PNPLA7: variants seen among roughly 807,000 people sequenced by gnomAD.
PNPLA7 encodes the protein patatin like domain 7, lysophospholipase, also known as patatin-like phospholipase domain-containing protein 7.
Under a neutral mutation model 161.7 loss-of-function variants are expected in PNPLA7, and 153 were observed. The ratio of observed to expected loss-of-function variants is 0.95; its 90% CI spans 0.83 to 1.08. The LOEUF is 1.08. Ranked by LOEUF, PNPLA7 falls within the 50% of genes least tolerant of loss-of-function variation. The pLI, the probability that PNPLA7 is intolerant of heterozygous loss-of-function variation, is 0.00. For missense variants in PNPLA7, 1,739 were observed against 1,856.6 expected (o/e 0.94, Z 1.16); for synonymous variants, 809 against 782.1 (o/e 1.03, Z -0.57).
In PNPLA7 at chr9:137,520,186, G is replaced by T; in HGVS notation, c.958-143C>A. Reference sequence around the variant, plus strand: ...CCCCTCAAAGGTGTGACAGGTGTGGGACTCTCAAAGGTGTGACAGGTGTGG... The same window carrying T: ...CCCCTCAAAGGTGTGACAGGTGTGGTACTCTCAAAGGTGTGACAGGTGTGG... On this transcript the variant is annotated intron_variant, in intron 10 of 34. Transcript: ENST00000406427. The surrounding 1 kb of genome is among the most constrained non-coding windows in gnomAD (Gnocchi z 5.2). The T allele has an allele frequency of 8.0e-7, 1 of 1,244,716 alleles. No individual in the cohort carries two copies. The highest frequency in any genetic ancestry group is 1.1e-6 in the Non-Finnish European group (1 of 898,806). The allele number at this position is 1,244,716 out of a possible 1,614,324, so 77.1% of individuals were successfully genotyped here. A position where few individuals can be genotyped will look rare whatever the true frequency, so the allele number is the denominator to read the frequency against.
chr9:137,498,530 C>T (rs1017759609), intron 16 of PNPLA7, among the ~76,000 whole-genome samples: 6 of 152,254 alleles, frequency 3.9e-5, no homozygotes, highest in South Asian at 2.1e-4. Flanking sequence ...TGTCAGGCTG[C>T]GGTCCTGGCA....
Position 137,501,647 on chromosome 9 carries a change from C to T in PNPLA7, c.1551+3G>A, listed in dbSNP as rs1206316926. ...CAGTGCCCCCCCCCAGACCCCCGCT[C>T]ACCTGGTCTCCCTGCCTTGACACCA... On this transcript the variant is annotated splice_donor_region_variant and intron_variant, in intron 15 of 34. Transcript: ENST00000406427. 1 of 1,611,866 alleles carries T rather than the reference C, an allele frequency of 6.2e-7. No individual in the cohort carries two copies. The highest frequency in any genetic ancestry group is 1.7e-5 in the Admixed American group (1 of 59,880).
rs1157330392 is a variant in PNPLA7 at position 137,517,901 on chromosome 9, T to C, written c.1084+2016A>G. On this transcript the variant is annotated intron_variant, in intron 11 of 34. Transcript: ENST00000406427. ...TCCCACACTCACTCACTCCACTCTGTCCACTCCATCCCCCGTCACTCACTC... is the reference window on the plus strand; with the variant it reads ...TCCCACACTCACTCACTCCACTCTGCCCACTCCATCCCCCGTCACTCACTC... Among the ~76,000 whole-genome samples, 7 of 48,538 alleles carry C rather than the reference T, an allele frequency of 1.4e-4. 1 individual carries two copies. Among genetic ancestry groups the C allele is most frequent in the African/African-American group, 1.0e-3 (7 of 6,928 alleles). The allele number at this position is 48,538 out of a possible 152,430, so 31.8% of individuals were successfully genotyped here. A position where few individuals can be genotyped will look rare whatever the true frequency, so the allele number is the denominator to read the frequency against.
At chr9:137,513,887 G>T (rs913835480) in intron 12 of PNPLA7, among the ~76,000 whole-genome samples, 1 of 152,250 alleles carries the variant, frequency 6.6e-6, no homozygotes, top group Non-Finnish European at 1.5e-5. Context: ...CAATCTGAGA[G>T]GGACGCCCAG....
Position 137,480,329 on chromosome 9 carries a change from C to T in PNPLA7, c.2563G>A (p.Glu855Lys), listed in dbSNP as rs1261861152. Reference protein sequence around the residue: ...CILIVGLGDQEPTVGELERML... With the variant: ...CILIVGLGDQKPTVGELERML... Reference sequence around the variant, plus strand: ...GTGCTCACCTCGCCCACTGTGGGCTCCTGGTCACCCAGGCCCACGATGAGG... The same window carrying T: ...GTGCTCACCTCGCCCACTGTGGGCTTCTGGTCACCCAGGCCCACGATGAGG... Residue 855 changes from glutamate to lysine, a missense_variant, in exon 23 of 35, where the codon GAG becomes AAG. This residue lies in a region of PNPLA7 where 192 missense variants were observed against 249.5 expected (regional missense o/e 0.77). Transcript: ENST00000406427. 1 of 1,612,548 alleles carries T rather than the reference C, an allele frequency of 6.2e-7. No homozygotes were observed. Among genetic ancestry groups the T allele is most frequent in the East Asian group, 2.2e-5 (1 of 44,858 alleles).
intron 20 of PNPLA7, among the ~76,000 whole-genome samples, chr9:137,489,041 G>A (rs570300268): frequency 9.3e-5 from 5 of 53,488 alleles, no homozygotes; most frequent in African/African-American, 3.1e-4. Context: ...CTGTGCACCC[G>A]CTGACCAGCA....
Position 137,543,360 on chromosome 9 carries a change from G to T in PNPLA7, c.506+72C>A. The T allele has an allele frequency of 6.3e-7, 1 of 1,588,114 alleles. No homozygotes were observed. Among genetic ancestry groups the T allele is most frequent in the Non-Finnish European group, 8.6e-7 (1 of 1,161,200 alleles). Reference sequence around the variant, plus strand: ...CCCCCAACACAAGACGGCCAAGCTGGAGCCAGGCCCCAGCGAGAAGCCCGG... The same window carrying T: ...CCCCCAACACAAGACGGCCAAGCTGTAGCCAGGCCCCAGCGAGAAGCCCGG... On this transcript the variant is annotated intron_variant, in intron 6 of 34. Transcript: ENST00000406427. This position sits in a 1 kb window ranked among gnomAD's most constrained non-coding sequence, Gnocchi z 6.9.
chr9:137,477,841 C>T (rs1271461035), intron 25 of PNPLA7, among the ~76,000 whole-genome samples, 193 bp downstream of exon 25: 1 of 152,242 alleles, frequency 6.6e-6, no homozygotes, highest in Non-Finnish European at 1.5e-5. Context: ...AGTGGGCACA[C>T]CGCATGTGCC....
Position 137,462,227 on chromosome 9 carries a change from G to A in PNPLA7, c.3597C>T (p.Pro1199=), listed in dbSNP as rs775361082. The change falls in exon 31 of 35, where the codon CCC becomes CCT. Residue 1199 remains proline (P), a synonymous_variant. Transcript: ENST00000406427. ...AGTCCAGGGTGCTGTAGCTGTCGAT[G>A]GGGGGGCGCAGGTACTCGCAGTAGT... ...SSDYCEYLRP[P]IDSYSTLDFG... 4.4e-6 allele frequency: 7 copies of A among 1,604,800 alleles called. No individual in the cohort carries two copies. Among genetic ancestry groups the A allele is most frequent in the Middle Eastern group, 1.7e-4 (1 of 6,012 alleles).
At chr9:137,521,003 C>T (rs1396535588) in intron 10 of PNPLA7, among the ~76,000 whole-genome samples, 6 of 144,274 alleles carry the variant, frequency 4.2e-5, no homozygotes, top group Admixed American at 1.4e-4. Flanking sequence ...CTGCTGGATT[C>T]GGCTGTAGGG....
intron 21 of PNPLA7, among the ~76,000 whole-genome samples, chr9:137,481,781 CA>C (rs972152508): frequency 6.6e-5 from 10 of 152,134 alleles, no homozygotes; most frequent in Non-Finnish European, 7.4e-5. Context: ...ACTAAAAATA[CA>C]AAACTTAGCT....
Position 137,543,520 on chromosome 9 carries a change from G to A in PNPLA7, c.418C>T (p.Pro140Ser), listed in dbSNP as rs771581299. The A allele has an allele frequency of 2.5e-6, 4 of 1,614,034 alleles. No individual in the cohort carries two copies. Among genetic ancestry groups the A allele is most frequent in the Non-Finnish European group, 2.5e-6 (3 of 1,179,984 alleles). Residue 140 changes from proline (P) to serine (S), a missense_variant, in exon 6 of 35, where the codon CCC (proline) becomes TCC (serine). Transcript: ENST00000406427. The surrounding 1 kb of genome is among the most constrained non-coding windows in gnomAD (Gnocchi z 6.9). ...YPALQPKEPP[P>S]SLLEADLTEF... ...GTGAGGTCGGCCTCCAGCAGGGAGG[G>A]CGGGGGCTCCTTGGGCTGCAGGGCC... is the stretch of plus-strand genomic sequence containing the variant.
In PNPLA7 at chr9:137,541,469, G is replaced by A; in HGVS notation, c.667-747C>T. 9 of 985,468 alleles carry A rather than the reference G, an allele frequency of 9.1e-6. No individual in the cohort carries two copies. Among genetic ancestry groups the A allele is most frequent in the Non-Finnish European group, 1.1e-5 (9 of 829,942 alleles). 61.0% of individuals were successfully genotyped at this position (985,468 alleles called of 1,614,324 possible). A position where few individuals can be genotyped will look rare whatever the true frequency, so the allele number is the denominator to read the frequency against. ...CGCTTTTGGTCTAGAAACCCCGACAGGCAGTGCCGGAGCTGGCGTGGGATC... is the reference window on the plus strand; with the variant it reads ...CGCTTTTGGTCTAGAAACCCCGACAAGCAGTGCCGGAGCTGGCGTGGGATC... On this transcript the variant is annotated intron_variant, in intron 7 of 34. Transcript: ENST00000406427. The surrounding 1 kb of genome is among the most constrained non-coding windows in gnomAD (Gnocchi z 4.4).
In PNPLA7 at chr9:137,520,798, A is replaced by G. The variant is rs1014389999; in HGVS notation, c.958-755T>C. 6.6e-6 allele frequency among the ~76,000 whole-genome samples: 1 copy of G among 152,186 alleles called. No homozygotes were observed. The highest frequency in any genetic ancestry group is 2.4e-5 in the African/African-American group (1 of 41,456). ...GGTTGACAGCCTTGTGCCCTTGACA[A>G]TGCGCTGTACCCTCCAAACGCGTCA... On this transcript the variant is annotated intron_variant, in intron 10 of 34. Coordinates refer to ENST00000406427, the MANE Select transcript of PNPLA7 (RefSeq NM_001098537.3). The surrounding 1 kb of genome is among the most constrained non-coding windows in gnomAD (Gnocchi z 5.2).
At chr9:137,495,729 C>T (rs1833020897) in intron 18 of PNPLA7, among the ~76,000 whole-genome samples, 5 of 152,228 alleles carry the variant, frequency 3.3e-5, no homozygotes, top group Admixed American at 1.3e-4. Flanking sequence ...AGGCGTGAGC[C>T]GCCGCGCCCG....
chr9:137,463,579 T>C (rs1588528280), intron 28 of PNPLA7, 48 bp from the exon 29 acceptor site: 4 of 1,405,002 alleles, frequency 2.8e-6, no homozygotes, highest in Non-Finnish European at 3.9e-6. Flanking sequence ...AGGCTCCTCC[T>C]GGGTCCAGGG....
rs1832471007 is a variant in PNPLA7 at position 137,486,152 on chromosome 9, C to T, written c.2198-1416G>A. ...GAGGTGGCTTCCAAAATCCACCAGA[C>T]ACGCAGGTCCTGATTGGCCAAGGTC... On this transcript the variant is annotated intron_variant, in intron 20 of 34. Coordinates refer to ENST00000406427, the MANE Select transcript of PNPLA7 (RefSeq NM_001098537.3). This position sits in a 1 kb window ranked among gnomAD's most constrained non-coding sequence, Gnocchi z 6.0. 6.6e-6 allele frequency among the ~76,000 whole-genome samples: 1 copy of T among 152,026 alleles called. No homozygotes were observed. Among genetic ancestry groups the T allele is most frequent in the East Asian group, 1.9e-4 (1 of 5,190 alleles).
intron 11 of PNPLA7, among the ~76,000 whole-genome samples, chr9:137,519,099 C>T (rs185945589): frequency 6.6e-6 from 1 of 152,300 alleles, no homozygotes; most frequent in Admixed American, 6.5e-5. Context: ...CACTCACTCA[C>T]TCCACTCTGC....
intron 12 of PNPLA7, among the ~76,000 whole-genome samples, chr9:137,510,976 A>G (rs1834193819): frequency 6.6e-6 from 1 of 152,286 alleles, no homozygotes; most frequent in African/African-American, 2.4e-5. Flanking sequence ...TAACCTTTGT[A>G]TGATTATTAT....
Sources: gnomAD v4.1 joint callset for allele counts (sites outside exome capture counted in the v4.1 genomes callset) on GRCh38, gnomAD v4.1.1 for gene constraint, gnomAD v4.1.1 regional missense constraint, Gnocchi (gnomAD v3.1) non-coding constraint, MANE v1.5 for transcripts, NCBI Gene and HGNC (gene_info 2026-07-23, HGNC 2026-07-21) for gene names.